SNX18: variants seen among roughly 807,000 people sequenced by gnomAD.
SNX18 encodes sorting nexin 18.
SNX18 carries 35 observed loss-of-function variants against 48.7 expected under a neutral mutation model. That is an observed-to-expected ratio of 0.72 (90% CI 0.55 to 0.95). SNX18 has a LOEUF of 0.95. Among genes scored for constraint, SNX18 ranks in the 40% least tolerant of loss-of-function variants. The pLI is 0.00. For synonymous variants in SNX18, 492 were observed against 384.7 expected (o/e 1.28, Z -3.26); for missense variants, 824 against 871.0 (o/e 0.95, Z 0.68).
At chr5:54,644,862 C>G in the SNX18 span, 5 of 152,282 alleles carry the variant, frequency 3.3e-5, no homozygotes, top group East Asian at 9.6e-4. Flanking sequence ...AAGCTCTGGA[C>G]TGCTAATCTC....
At chr5:54,599,731 G>C in the SNX18 span, among the ~76,000 whole-genome samples, 1 of 152,106 alleles carries the variant, frequency 6.6e-6, no homozygotes, top group Non-Finnish European at 1.5e-5. Context: ...AACAAGCAAT[G>C]GGGAAAGGAC....
chr5:54,549,968 C>G (rs1208878678), downstream of SNX18, among the ~76,000 whole-genome samples: 1 of 152,190 alleles, frequency 6.6e-6, no homozygotes, highest in Non-Finnish European at 1.5e-5. Flanking sequence ...AATGCAGAGT[C>G]TTAGTTCAAA....
chr5:54,529,176 G>A (rs1762204055), intron 1 of SNX18, among the ~76,000 whole-genome samples: 1 of 152,274 alleles, frequency 6.6e-6, no homozygotes, highest in South Asian at 2.1e-4. Context: ...ACATCTTATT[G>A]GGGGCAGTGT....
intron 1 of SNX18, among the ~76,000 whole-genome samples, chr5:54,527,454 G>A (rs1762156650): frequency 6.6e-6 from 1 of 152,176 alleles, no homozygotes; most frequent in Admixed American, 6.5e-5. Flanking sequence ...GCAAGAGAAA[G>A]GGGAGTCATC....
the SNX18 span, among the ~76,000 whole-genome samples, chr5:54,567,076 C>T: frequency 1.3e-5 from 2 of 152,126 alleles, no homozygotes; most frequent in Non-Finnish European, 2.9e-5. Context: ...CCCTTCCCCA[C>T]CCCCACTCTC....
the SNX18 span, among the ~76,000 whole-genome samples, chr5:54,558,070 G>A: frequency 2.0e-5 from 3 of 152,058 alleles, no homozygotes; most frequent in Non-Finnish European, 4.4e-5. Context: ...ACTCTATGAG[G>A]CAGATATAAT....
At chr5:54,593,155 T>A in the SNX18 span, among the ~76,000 whole-genome samples, 2 of 152,220 alleles carry the variant, frequency 1.3e-5, no homozygotes, top group Non-Finnish European at 2.9e-5. Flanking sequence ...CTAAGGGATC[T>A]ACCTTCAGGA....
intron 1 of SNX18, among the ~76,000 whole-genome samples, chr5:54,531,712 C>T (rs924521755): frequency 2.6e-5 from 4 of 152,172 alleles, no homozygotes; most frequent in Non-Finnish European, 4.4e-5. Flanking sequence ...CCTGCCAGTG[C>T]GAGGCAGCGG....
chr5:54,624,974 G>A, the SNX18 span, among the ~76,000 whole-genome samples: 1 of 152,176 alleles, frequency 6.6e-6, no homozygotes, highest in Admixed American at 6.5e-5. Context: ...TCATATGAAA[G>A]TTTACATTTT....
chr5:54,565,196 T>C, the SNX18 span, among the ~76,000 whole-genome samples: 1 of 152,210 alleles, frequency 6.6e-6, no homozygotes, highest in African/African-American at 2.4e-5. Flanking sequence ...CCATATAACA[T>C]AAAATGTTCA....
downstream of SNX18, among the ~76,000 whole-genome samples, chr5:54,548,069 T>C (rs1762602209): frequency 6.6e-6 from 1 of 152,146 alleles, no homozygotes; most frequent in African/African-American, 2.4e-5. Context: ...TAATCTGGGA[T>C]TGGCTCATGG....
At chr5:54,606,990 C>A in the SNX18 span, among the ~76,000 whole-genome samples, 1 of 152,182 alleles carries the variant, frequency 6.6e-6, no homozygotes, top group Non-Finnish European at 1.5e-5. Context: ...CATCCCTATA[C>A]CCTGGCAACC....
At chr5:54,589,161 C>T in the SNX18 span, among the ~76,000 whole-genome samples, 5 of 152,290 alleles carry the variant, frequency 3.3e-5, no homozygotes, top group East Asian at 7.7e-4. Flanking sequence ...CCCTGCCCTG[C>T]GGTCACCTTC....
chr5:54,518,330 C>G lies in SNX18; in HGVS notation c.378C>G (p.Phe126Leu). The G allele has an allele frequency of 1.3e-6, 2 of 1,548,400 alleles. No homozygotes were observed. The highest frequency in any genetic ancestry group is 8.7e-7 in the Non-Finnish European group (1 of 1,150,462). ...CCTTCCAGCCGCCCGGCGCGGGCTT[C>G]CCGTACGGCGGGGGCGCCCTGCAGC... The part of the protein sequence containing the change: ...PSTFQPPGAG[F>L]PYGGGALQPS... The change falls in exon 1 of 2, where the codon TTC becomes TTG. Residue 126 changes from phenylalanine (F) to leucine (L), a missense_variant. By Grantham distance (22) the Phe-to-Leu change is conservative (BLOSUM62 0). Transcript: ENST00000381410.
chr5:54,583,758 G>A, the SNX18 span, among the ~76,000 whole-genome samples: 9 of 152,322 alleles, frequency 5.9e-5, 1 homozygote, highest in South Asian at 6.2e-4. Flanking sequence ...TCCCAGATTA[G>A]GAAATTCATA....
intron 1 of SNX18, among the ~76,000 whole-genome samples, chr5:54,541,306 G>T (rs1434383882): frequency 6.6e-6 from 1 of 152,142 alleles, no homozygotes; most frequent in Non-Finnish European, 1.5e-5. Flanking sequence ...AGGATTACAG[G>T]CGTGAGCCAC....
the SNX18 span, among the ~76,000 whole-genome samples, chr5:54,600,974 T>C: frequency 6.6e-6 from 1 of 152,190 alleles, no homozygotes; most frequent in Non-Finnish European, 1.5e-5. Context: ...GCACATGTAC[T>C]AGAACATGTA....
chr5:54,537,447 T>C (rs1296770587), intron 1 of SNX18, among the ~76,000 whole-genome samples: 1 of 152,222 alleles, frequency 6.6e-6, no homozygotes, highest in Non-Finnish European at 1.5e-5. Flanking sequence ...AGTTTCAGTT[T>C]ACAGTGACAT....
the SNX18 span, among the ~76,000 whole-genome samples, chr5:54,581,060 G>T: frequency 2.0e-5 from 3 of 152,144 alleles, no homozygotes; most frequent in African/African-American, 7.2e-5. Flanking sequence ...GGCAAAGGCT[G>T]ACCCCTGGTC....
Sources: allele counts gnomAD v4.1 joint callset (sites outside exome capture counted in the v4.1 genomes callset), GRCh38; gene constraint gnomAD v4.1.1; transcripts MANE v1.5; gene names NCBI Gene and HGNC (gene_info 2026-07-23, HGNC 2026-07-21).